PACRG: variants seen among roughly 807,000 people sequenced by gnomAD.
PACRG encodes parkin coregulated.
PACRG carries 29 observed loss-of-function variants against 29.7 expected under a neutral mutation model. That is an observed-to-expected ratio of 0.98 (90% CI 0.73 to 1.33). PACRG has a LOEUF of 1.33. Ranked by LOEUF, PACRG falls within the 40% of genes most tolerant of loss-of-function variation. The pLI is 0.00. For synonymous variants in PACRG, 116 were observed against 118.7 expected (o/e 0.98, Z 0.15); for missense variants, 279 against 316.2 (o/e 0.88, Z 0.89).
At chr6:163,181,392 A>G (rs1371459143) in intron 4 of PACRG, among the ~76,000 whole-genome samples, 1 of 152,046 alleles carries the variant, frequency 6.6e-6, no homozygotes, top group African/African-American at 2.4e-5. Context: ...GGGCAGTGAA[A>G]AGCAGTGCCG....
intron 4 of PACRG, among the ~76,000 whole-genome samples, chr6:163,117,827 A>T (rs1162472220): frequency 6.6e-6 from 1 of 152,138 alleles, no homozygotes; most frequent in Non-Finnish European, 1.5e-5. Context: ...TCAAACTCTG[A>T]AACTGTTCAG....
intron 4 of PACRG, among the ~76,000 whole-genome samples, chr6:163,312,107 C>T (rs758064116): frequency 1.3e-5 from 2 of 152,214 alleles, no homozygotes; most frequent in Non-Finnish European, 2.9e-5. Flanking sequence ...CGTGTGCCCT[C>T]CAGGGGTTTA....
intron 4 of PACRG, 150 bp from the exon 5 acceptor site, chr6:163,314,677 C>T: frequency 2.6e-6 from 2 of 777,046 alleles, no homozygotes; most frequent in Non-Finnish European, 1.9e-6. Context: ...TGTACAGTTG[C>T]CACTGCTTTT....
In PACRG at chr6:163,026,020, C is replaced by T. The variant is rs1262222204; in HGVS notation, c.292-36130C>T. ...ATTTATAGGGAACCAAAAAAAGAGC[C>T]CGAATAGCCAAAGCAAATCTAAGTA... is the stretch of plus-strand genomic sequence containing the variant. On this transcript the variant is annotated intron_variant, in intron 2 of 4. Coordinates refer to ENST00000366888, the MANE Select transcript of PACRG (RefSeq NM_001080379.2). Among the ~76,000 whole-genome samples the T allele has an allele frequency of 5.3e-5, 8 of 152,208 alleles. No homozygotes were observed. The East Asian group carries it at 1.5e-3, about 29-fold the overall frequency.
At chr6:163,290,275 C>A (rs13191433) in intron 4 of PACRG, among the ~76,000 whole-genome samples, 1 of 114,148 alleles carries the variant, frequency 8.8e-6, no homozygotes, top group African/African-American at 3.8e-5. Flanking sequence ...CACGCGCGCG[C>A]GCGCACACAC....
At chr6:163,007,360 C>T (rs956557657) in intron 2 of PACRG, among the ~76,000 whole-genome samples, 2 of 152,100 alleles carry the variant, frequency 1.3e-5, no homozygotes, top group African/African-American at 4.8e-5. Context: ...ATTTCTGATG[C>T]TCTTCATTCC....
intron 2 of PACRG, among the ~76,000 whole-genome samples, chr6:162,955,591 G>A (rs921228986): frequency 5.9e-5 from 9 of 152,142 alleles, no homozygotes; most frequent in East Asian, 5.8e-4. Flanking sequence ...GAGCCACCAC[G>A]CCCAGCCCAA....
chr6:162,937,962 T>G (rs1798354927), intron 2 of PACRG, among the ~76,000 whole-genome samples: 1 of 152,108 alleles, frequency 6.6e-6, no homozygotes, highest in Non-Finnish European at 1.5e-5. Context: ...AGTAAGTTCT[T>G]TAGTGGTGAT....
chr6:162,873,079 G>A (rs1380582588), intron 2 of PACRG, among the ~76,000 whole-genome samples: 1 of 152,076 alleles, frequency 6.6e-6, no homozygotes, highest in Non-Finnish European at 1.5e-5. Flanking sequence ...AGAGATGAAC[G>A]CTTAGCTTGG....
chr6:163,251,303 G>A (rs1251874438), intron 4 of PACRG, among the ~76,000 whole-genome samples: 1 of 151,996 alleles, frequency 6.6e-6, no homozygotes, highest in African/African-American at 2.4e-5. Flanking sequence ...ATAAAATTGT[G>A]CATATTGGAA....
At chr6:162,875,461 A>G (rs1448798535) in intron 2 of PACRG, among the ~76,000 whole-genome samples, 1 of 152,246 alleles carries the variant, frequency 6.6e-6, no homozygotes, top group African/African-American at 2.4e-5. Context: ...ATACACAGAC[A>G]TTCACACACA....
At chr6:162,943,528 G>A (rs1191499742) in intron 2 of PACRG, among the ~76,000 whole-genome samples, 1 of 152,138 alleles carries the variant, frequency 6.6e-6, no homozygotes, top group African/African-American at 2.4e-5. Context: ...TAGCAGGGCC[G>A]CAGTGCAGCC....
intron 2 of PACRG, among the ~76,000 whole-genome samples, chr6:162,816,824 C>T (rs1014121371): frequency 1.3e-5 from 2 of 152,076 alleles, no homozygotes; most frequent in Non-Finnish European, 2.9e-5. Context: ...CAGGGCGATC[C>T]GTCCCCCACA....
chr6:162,810,584 G>T (rs1786768237), intron 1 of PACRG, among the ~76,000 whole-genome samples: 1 of 152,074 alleles, frequency 6.6e-6, no homozygotes, highest in East Asian at 1.9e-4. Context: ...GAAAGTCTCA[G>T]AAAAGAAATA....
At chr6:162,996,861 TAGAA>T (rs1233726129) in intron 2 of PACRG, among the ~76,000 whole-genome samples, 1 of 152,062 alleles carries the variant, frequency 6.6e-6, no homozygotes, top group African/African-American at 2.4e-5. Context: ...TTTAGAAAAA[TAGAA>T]AGAATATATG....
At chr6:163,193,938 G>T (rs1274180599) in intron 4 of PACRG, among the ~76,000 whole-genome samples, 1 of 147,042 alleles carries the variant, frequency 6.8e-6, no homozygotes, top group African/African-American at 2.5e-5. Flanking sequence ...TGTCACCCAG[G>T]CTGGAGTGCA....
At chr6:162,924,153 TA>T (rs1797257936) in intron 2 of PACRG, among the ~76,000 whole-genome samples, 1 of 152,152 alleles carries the variant, frequency 6.6e-6, no homozygotes. Flanking sequence ...ATAACTATTG[TA>T]AATAGGATTA....
chr6:163,121,663 CT>C (rs771976364), intron 4 of PACRG, among the ~76,000 whole-genome samples: 3,641 of 126,160 alleles, frequency 0.029, 57 homozygotes, highest in East Asian at 0.095. Context: ...TCTCGGTAAT[CT>C]TTTTTTTTTT....
chr6:163,186,200 C>T (rs961285910), intron 4 of PACRG, among the ~76,000 whole-genome samples: 2 of 152,172 alleles, frequency 1.3e-5, no homozygotes, highest in Non-Finnish European at 2.9e-5. Flanking sequence ...TTCAGATTTC[C>T]CCCTTCCCCC....
Sources: gnomAD v4.1 joint callset for allele counts (sites outside exome capture counted in the v4.1 genomes callset) on GRCh38, gnomAD v4.1.1 for gene constraint, MANE v1.5 for transcripts, NCBI Gene and HGNC (gene_info 2026-07-23, HGNC 2026-07-21) for gene names.